CHST12: variants seen among roughly 807,000 people sequenced by gnomAD.
The protein encoded by CHST12 is carbohydrate sulfotransferase 12.
Under a neutral mutation model 27.9 loss-of-function variants are expected in CHST12, and 23 were observed. The ratio of observed to expected loss-of-function variants is 0.82; its 90% CI spans 0.59 to 1.17. The LOEUF is 1.17. Ranked by LOEUF, CHST12 falls within the 50% of genes most tolerant of loss-of-function variation. The pLI is 0.00. For missense variants in CHST12, 682 were observed against 603.0 expected (o/e 1.13, Z -1.37); for synonymous variants, 322 against 273.0 (o/e 1.18, Z -1.77).
intron 1 of CHST12, among the ~76,000 whole-genome samples, chr7:2,407,448 TA>T (rs1781552803): frequency 1.3e-5 from 2 of 151,762 alleles, no homozygotes; most frequent in African/African-American, 4.8e-5. Context: ...ACCCCATCTC[TA>T]AAAAATAAAA....
chr7:2,409,625 GAAAA>G (rs60865098), intron 1 of CHST12, among the ~76,000 whole-genome samples: 48 of 146,082 alleles, frequency 3.3e-4, no homozygotes, highest in Non-Finnish European at 6.0e-4. Flanking sequence ...CTGTCTCAAA[GAAAA>G]AAAAAAAAAA....
Position 2,409,579 on chromosome 7 carries a change from C to T in CHST12, c.-78+5906C>T, listed in dbSNP as rs1309154529. On this transcript the variant is annotated intron_variant, in intron 1 of 1. Transcript: ENST00000618655. Reference sequence around the variant, plus strand: ...TTTTAGTGAGCTGAGATCGAGCCATCACACTCCACTCTAGCCTGGGTGACA... The same window carrying T: ...TTTTAGTGAGCTGAGATCGAGCCATTACACTCCACTCTAGCCTGGGTGACA... 4.0e-5 allele frequency among the ~76,000 whole-genome samples: 6 copies of T among 150,636 alleles called. No homozygotes were observed. The East Asian group carries it at 1.2e-3, about 29-fold the overall frequency.
Position 2,444,572 on chromosome 7 carries a change from A to G in CHST12, c.*10688A>G, listed in dbSNP as rs1782702417. On this transcript the variant is annotated 3_prime_UTR_variant, in exon 2 of 2. Coordinates refer to ENST00000618655, the MANE Select transcript of CHST12 (RefSeq NM_018641.5). Reference sequence around the variant, plus strand: ...TCACTCTGTGGCACTGGCCTCAGCCAGCACCAAGGCTGAAAGAGCCCATTC... The same window carrying G: ...TCACTCTGTGGCACTGGCCTCAGCCGGCACCAAGGCTGAAAGAGCCCATTC... 6.6e-6 allele frequency: 1 copy of G among 152,364 alleles called. No individual in the cohort carries two copies. The highest frequency in any genetic ancestry group is 1.5e-5 in the Non-Finnish European group (1 of 68,122). 9.4% of individuals were successfully genotyped at this position (152,364 alleles called of 1,614,324 possible).
rs913008373 is a variant in CHST12, at chr7:2,434,258, C to A, written c.*374C>A. 1 of 185,428 alleles carries A rather than the reference C, an allele frequency of 5.4e-6. No homozygotes were observed. The highest frequency in any genetic ancestry group is 5.8e-5 in the Admixed American group (1 of 17,362). The allele number at this position is 185,428 out of a possible 1,614,324, so 11.5% of individuals were successfully genotyped here. On this transcript the variant is annotated 3_prime_UTR_variant, in exon 2 of 2. Coordinates refer to ENST00000618655, the MANE Select transcript of CHST12 (RefSeq NM_018641.5). ...GCGGGGCCTGCACTTGAAGTCAGGCCGCACCTGTCTGTTTTTGGAAGGGTA... is the reference window on the plus strand; with the variant it reads ...GCGGGGCCTGCACTTGAAGTCAGGCAGCACCTGTCTGTTTTTGGAAGGGTA...
intron 1 of CHST12, among the ~76,000 whole-genome samples, chr7:2,415,814 C>T (rs1481638656): frequency 2.0e-5 from 3 of 151,986 alleles, no homozygotes; most frequent in Non-Finnish European, 4.4e-5. Flanking sequence ...CGGGGTTTTA[C>T]CGTGTTAGCC....
At position 2,432,560 on chromosome 7, in the gene CHST12, C is replaced by G; in HGVS notation, c.-77-3C>G. On this transcript the variant is annotated splice_region_variant and splice_polypyrimidine_tract_variant and intron_variant, in intron 1 of 1. Coordinates refer to ENST00000618655, the MANE Select transcript of CHST12 (RefSeq NM_018641.5). ...ATTAACTAGTGTGTCATTGCATCTG[C>G]AGGTTCCCAGCAGGATGCCCCGGCT... The G allele has an allele frequency of 6.9e-7, 1 of 1,459,122 alleles. No individual in the cohort carries two copies. Among genetic ancestry groups the G allele is most frequent in the Non-Finnish European group, 9.2e-7 (1 of 1,081,312 alleles). 90.4% of individuals were successfully genotyped at this position (1,459,122 alleles called of 1,614,324 possible). A position where few individuals can be genotyped will look rare whatever the true frequency, so the allele number is the denominator to read the frequency against.
rs1448005789 is a variant in CHST12, at chr7:2,432,936, G to C, written c.297G>C (p.Glu99Asp). The change falls in exon 2 of 2, where the codon GAG becomes GAC. Residue 99 changes from glutamate to aspartate, a missense_variant. Glu to Asp is a conservative substitution (Grantham distance 45, BLOSUM62 2). Coordinates refer to ENST00000618655, the MANE Select transcript of CHST12 (RefSeq NM_018641.5). ...EQPPAPGSMEESVRGYDWSPR... is the reference protein window; with the variant it reads ...EQPPAPGSMEDSVRGYDWSPR... ...CGCCTGCGCCGGGGAGCATGGAGGA[G>C]AGCGTGAGAGGCTACGACTGGTCCC... 1 of 1,612,458 alleles carries C rather than the reference G, an allele frequency of 6.2e-7. No homozygotes were observed. The highest frequency in any genetic ancestry group is 1.7e-5 in the Admixed American group (1 of 59,996).
chr7:2,415,853 A>T (rs1482423926), intron 1 of CHST12, among the ~76,000 whole-genome samples: 1 of 151,992 alleles, frequency 6.6e-6, no homozygotes, highest in Non-Finnish European at 1.5e-5. Context: ...TGACCTTGTG[A>T]TCCGCGCACC....
chr7:2,420,294 G>A lies in CHST12; in HGVS notation c.-77-12269G>A, dbSNP rs982264082. Among the ~76,000 whole-genome samples the A allele has an allele frequency of 4.6e-5, 7 of 152,156 alleles. No individual in the cohort carries two copies. The South Asian group carries it at 1.5e-3, about 32-fold the overall frequency. The stretch of plus-strand genomic sequence containing the variant: ...GCCAAGTATTTGTCCTTTTGTTTCT[G>A]GCTTATTTCACTGAGCATAATGTCT... On this transcript the variant is annotated intron_variant, in intron 1 of 1. Transcript: ENST00000618655.
Position 2,447,748 on chromosome 7 carries a change from C to T in CHST12, c.*13864C>T, listed in dbSNP as rs1040122275. ...TCGGCCTCCCAAAGTGCTGGGATTA[C>T]AAGCATGAGCCACTGCGCCCGGCCA... On this transcript the variant is annotated 3_prime_UTR_variant, in exon 2 of 2. Coordinates refer to ENST00000618655, the MANE Select transcript of CHST12 (RefSeq NM_018641.5). 1 of 151,922 alleles carries T rather than the reference C, an allele frequency of 6.6e-6. No homozygotes were observed. The highest frequency in any genetic ancestry group is 2.4e-5 in the African/African-American group (1 of 41,342). 9.4% of individuals were successfully genotyped at this position (151,922 alleles called of 1,614,324 possible). A position where few individuals can be genotyped will look rare whatever the true frequency, so the allele number is the denominator to read the frequency against.
In CHST12 at chr7:2,433,395, C is replaced by T. The variant is rs1212711293; in HGVS notation, c.756C>T (p.Ile252=). 2 of 1,609,610 alleles carry T rather than the reference C, an allele frequency of 1.2e-6. No individual in the cohort carries two copies. Among genetic ancestry groups the T allele is most frequent in the Non-Finnish European group, 1.7e-6 (2 of 1,179,908 alleles). The part of the protein sequence containing the change: ...LFVRDPFVRL[I]SAFRSKFELE... ...TGCGCGACCCCTTCGTGCGCCTGATCTCCGCCTTCCGCAGCAAGTTCGAGC... is the reference window on the plus strand; with the variant it reads ...TGCGCGACCCCTTCGTGCGCCTGATTTCCGCCTTCCGCAGCAAGTTCGAGC... The change falls in exon 2 of 2, where the codon ATC becomes ATT. Residue 252 remains isoleucine, a synonymous_variant. Coordinates refer to ENST00000618655, the MANE Select transcript of CHST12 (RefSeq NM_018641.5). The surrounding 1 kb of genome is among the most constrained non-coding windows in gnomAD (Gnocchi z 6.1).
intron 1 of CHST12, among the ~76,000 whole-genome samples, chr7:2,424,735 C>T (rs527855920): frequency 2.6e-5 from 4 of 152,326 alleles, no homozygotes; most frequent in African/African-American, 7.2e-5. Flanking sequence ...GCTCCCCCTC[C>T]TCTGTGACAG....
At chr7:2,403,558 G>T (rs1781438112), upstream of CHST12, 1 of 151,514 alleles carries the variant, frequency 6.6e-6, no homozygotes, top group Non-Finnish European at 1.5e-5. Flanking sequence ...CCGGTAGGAG[G>T]GGCTCCTGCG....
intron 1 of CHST12, among the ~76,000 whole-genome samples, chr7:2,413,499 G>T (rs867850805): frequency 2.6e-5 from 4 of 152,164 alleles, no homozygotes; most frequent in Non-Finnish European, 5.9e-5. Context: ...AAACAGTAGA[G>T]CATTTCCATC....
rs894039972 is a variant in CHST12 at position 2,441,067 on chromosome 7, C to T, written c.*7183C>T. On this transcript the variant is annotated 3_prime_UTR_variant, in exon 2 of 2. Coordinates refer to ENST00000618655, the MANE Select transcript of CHST12 (RefSeq NM_018641.5). ...AGGTTCAAAGCGTGCAGGCCCCATGCTCCGTGAGAGCCTTGACCTGGGTCA... is the reference window on the plus strand; with the variant it reads ...AGGTTCAAAGCGTGCAGGCCCCATGTTCCGTGAGAGCCTTGACCTGGGTCA... The T allele has an allele frequency of 2.0e-5, 3 of 152,256 alleles. No homozygotes were observed. The highest frequency in any genetic ancestry group is 2.1e-4 in the South Asian group (1 of 4,836). 9.4% of individuals were successfully genotyped at this position (152,256 alleles called of 1,614,324 possible). A position where few individuals can be genotyped will look rare whatever the true frequency, so the allele number is the denominator to read the frequency against.
At chr7:2,418,417 T>C (rs1781867853) in intron 1 of CHST12, among the ~76,000 whole-genome samples, 1 of 152,230 alleles carries the variant, frequency 6.6e-6, no homozygotes, top group African/African-American at 2.4e-5. Flanking sequence ...CTCTGTGGGT[T>C]CCCTTGCTGG....
intron 1 of CHST12, among the ~76,000 whole-genome samples, chr7:2,431,386 A>G (rs1322778579): frequency 1.3e-5 from 2 of 152,176 alleles, no homozygotes; most frequent in African/African-American, 4.8e-5. Flanking sequence ...TAGAGGGCCA[A>G]CTTGCCCCAC....
chr7:2,432,499 A>G, intron 1 of CHST12, 64 bp from the exon 2 acceptor site: 1 of 979,398 alleles, frequency 1.0e-6, no homozygotes, highest in South Asian at 1.7e-5. Context: ...CCCACTGATC[A>G]GAAGGCAGGA....
intron 1 of CHST12, among the ~76,000 whole-genome samples, chr7:2,412,425 A>AT (rs1186414565): frequency 6.6e-6 from 1 of 152,188 alleles, no homozygotes; most frequent in East Asian, 1.9e-4. Flanking sequence ...TTTGCCTTAT[A>AT]TAGTGTCTGT....
Sources: allele counts gnomAD v4.1 joint callset (sites outside exome capture counted in the v4.1 genomes callset), GRCh38; gene constraint gnomAD v4.1.1; non-coding constraint Gnocchi (gnomAD v3.1); transcripts MANE v1.5; gene names NCBI Gene and HGNC (gene_info 2026-07-23, HGNC 2026-07-21).